CD163: variants seen among roughly 807,000 people sequenced by gnomAD.
The protein encoded by CD163 is scavenger receptor cysteine-rich type 1 protein M130.
CD163 carries 64 observed loss-of-function variants against 129.2 expected under a neutral mutation model. That is an observed-to-expected ratio of 0.50 (90% confidence interval 0.41 to 0.61). The LOEUF (loss-of-function observed/expected upper bound fraction) is 0.61. CD163 is among the 20% of genes least tolerant of loss of function. The pLI is 0.00. For missense variants in CD163, 1,061 were observed against 1,377.9 expected (o/e 0.77, Z 3.64); for synonymous variants, 446 against 478.5 (o/e 0.93, Z 0.89).
chr12:7,474,326 G>A (rs1046224150), intron 16 of CD163, among the ~76,000 whole-genome samples: 11 of 151,998 alleles, frequency 7.2e-5, no homozygotes, highest in African/African-American at 2.7e-4. Context: ...CCTCATAATT[G>A]GAAATAAAAC....
intron 6 of CD163, among the ~76,000 whole-genome samples, chr12:7,489,106 G>C (rs1949294575): frequency 3.9e-5 from 6 of 152,114 alleles, no homozygotes; most frequent in Admixed American, 3.3e-4. Flanking sequence ...GGTCACACAA[G>C]AAATTACTAC....
chr12:7,499,088 A>G lies in CD163; in HGVS notation c.558T>C (p.Asp186=), dbSNP rs776630053. The G allele has an allele frequency of 1.5e-5, 24 of 1,614,018 alleles. No individual in the cohort carries two copies. The highest frequency in any genetic ancestry group is 1.6e-4 in the Middle Eastern group (1 of 6,084). ...CAGATGCATGATCTATGTTGAAGTT[A>G]TCATCACACACTGTTCCCCACCGTC... ...FQGRWGTVCD[D]NFNIDHASVI... is the part of the protein sequence containing the mutation. Residue 186 remains aspartate (D), a synonymous_variant, in exon 4 of 17, where the codon GAT becomes GAC. Coordinates refer to ENST00000432237, the MANE Select transcript of CD163 (RefSeq NM_203416.4).
At chr12:7,488,808 T>C (rs1368518283) in intron 6 of CD163, among the ~76,000 whole-genome samples, 3 of 152,214 alleles carry the variant, frequency 2.0e-5, no homozygotes, top group Non-Finnish European at 4.4e-5. Context: ...GAATGAATTA[T>C]TGTATGACAA....
At chr12:7,481,586 T>C (rs1436636211) in intron 14 of CD163, among the ~76,000 whole-genome samples, 1 of 152,202 alleles carries the variant, frequency 6.6e-6, no homozygotes, top group African/African-American at 2.4e-5. Flanking sequence ...ATATATGTTA[T>C]AGTACTTTTC....
chr12:7,487,504 T>A lies in CD163; in HGVS notation c.1905A>T (p.Gly635=), dbSNP rs753874979. 2 of 1,614,038 alleles carry A rather than the reference T, an allele frequency of 1.2e-6. No homozygotes were observed. The highest frequency in any genetic ancestry group is 2.2e-5 in the South Asian group (2 of 91,076). ...GACCATTTCCTTTTCCAAAACGTGC[T>A]CCTCCTGGGGTAGAAAGGGCAACTC... is the stretch of plus-strand genomic sequence containing the variant. The part of the protein sequence containing the change: ...KCGVALSTPG[G]ARFGKGNGQI... The change falls in exon 8 of 17, where the codon GGA becomes GGT. Residue 635 remains glycine (G), a synonymous_variant. Transcript: ENST00000432237. This position sits in a 1 kb window ranked among gnomAD's most constrained non-coding sequence, Gnocchi z 5.1.
intron 14 of CD163, 34 bp from the exon 15 acceptor site, chr12:7,481,290 T>C: frequency 6.5e-7 from 1 of 1,529,294 alleles, no homozygotes; most frequent in Non-Finnish European, 9.1e-7. Flanking sequence ...AGGGATCAGC[T>C]ATCATAATAA....
chr12:7,489,381 T>C (rs1225850765), intron 6 of CD163, among the ~76,000 whole-genome samples: 1 of 152,156 alleles, frequency 6.6e-6, no homozygotes, highest in African/African-American at 2.4e-5. Context: ...AATATATTAA[T>C]AAATTTCAAA....
chr12:7,478,232 G>A (rs1221473467), intron 16 of CD163, among the ~76,000 whole-genome samples: 1 of 152,098 alleles, frequency 6.6e-6, no homozygotes, highest in Non-Finnish European at 1.5e-5. Flanking sequence ...TTGGGTCAAA[G>A]GGTCTGTGAA....
At chr12:7,495,507 T>C (rs1270366233) in intron 5 of CD163, 106 bp from the exon 6 acceptor site, 5 of 930,636 alleles carry the variant, frequency 5.4e-6, no homozygotes, top group East Asian at 2.5e-5. Flanking sequence ...TTGAAAATTA[T>C]AGGTAACTTA....
intron 11 of CD163, 136 bp from the exon 12 acceptor site, chr12:7,483,811 T>TTATATATATATGTATA (rs1555076495): frequency 5.4e-5 from 7 of 128,882 alleles, no homozygotes; most frequent in African/African-American, 1.9e-4. Flanking sequence ...ATATTAAAAT[T>TTATATATATATGTATA]TATATATATA....
In CD163 at chr12:7,496,459, A is replaced by G. The variant is rs949220952; in HGVS notation, c.1099+354T>C. On this transcript the variant is annotated intron_variant, in intron 5 of 16. Coordinates refer to ENST00000432237, the MANE Select transcript of CD163 (RefSeq NM_203416.4). This position sits in a 1 kb window ranked among gnomAD's most constrained non-coding sequence, Gnocchi z 4.8. ...GTTTACCCATGTAACAAACCTGCAC[A>G]TTCAACACATCTATCCCAGAACTTA... is the stretch of plus-strand genomic sequence containing the variant. Among the ~76,000 whole-genome samples the G allele has an allele frequency of 5.9e-5, 9 of 152,214 alleles. No homozygotes were observed.
At chr12:7,479,690 T>G (rs1372755735) in intron 16 of CD163, among the ~76,000 whole-genome samples, 170 bp downstream of exon 16, 1 of 152,202 alleles carries the variant, frequency 6.6e-6, no homozygotes, top group African/African-American at 2.4e-5. Context: ...CAGTTATATT[T>G]ATAAGCTTTT....
At chr12:7,481,434 C>T (rs1186494867) in intron 14 of CD163, among the ~76,000 whole-genome samples, 178 bp from the exon 15 acceptor site, 1 of 152,178 alleles carries the variant, frequency 6.6e-6, no homozygotes, top group African/African-American at 2.4e-5. Flanking sequence ...GAAATAGGCA[C>T]AAGGCTAAAT....
At chr12:7,493,051 G>C (rs1316540457) in intron 6 of CD163, among the ~76,000 whole-genome samples, 1 of 152,144 alleles carries the variant, frequency 6.6e-6, no homozygotes, top group Non-Finnish European at 1.5e-5. Context: ...GATGGCATTG[G>C]GTTATAAAGC....
intron 6 of CD163, among the ~76,000 whole-genome samples, chr12:7,491,204 A>G (rs1444534231): frequency 6.6e-6 from 1 of 152,104 alleles, no homozygotes; most frequent in African/African-American, 2.4e-5. Flanking sequence ...ATTGAGAAAA[A>G]GTCCCTTCTA....
rs752554846 is a variant in CD163 at position 7,496,954 on chromosome 12, T to C, written c.958A>G (p.Asn320Asp). The C allele has an allele frequency of 6.2e-7, 1 of 1,614,122 alleles. No homozygotes were observed. Among genetic ancestry groups the C allele is most frequent in the South Asian group, 1.1e-5 (1 of 91,090 alleles). ...PTAVTAIGRV[N>D]ASKGFGHIWL... ...ATGTGTCCAAATCCCTTACTGGCGT[T>C]AACTCGACCAATGGCTGTGACGGCA... Residue 320 changes from asparagine to aspartate, a missense_variant, in exon 5 of 17, where the codon AAC (asparagine) becomes GAC (aspartate). Transcript: ENST00000432237. This position sits in a 1 kb window ranked among gnomAD's most constrained non-coding sequence, Gnocchi z 4.8.
rs1316954982 is a variant in CD163, at chr12:7,487,364, C to G, written c.2045G>C (p.Cys682Ser). ...GCTGCCCGTCATCCTCTTACCTGAGCAGATTACAGAGGCCACTTGCTCTGA... is the reference window on the plus strand; with the variant it reads ...GCTGCCCGTCATCCTCTTACCTGAGGAGATTACAGAGGCCACTTGCTCTGA... ...CPSEQVASVICSGNQSQTLSS... is the reference protein window; with the variant it reads ...CPSEQVASVISSGNQSQTLSS... The change falls in exon 8 of 17, where the codon TGC becomes TCC. Residue 682 changes from cysteine to serine, a missense_variant. Cys to Ser is a moderately radical substitution (Grantham distance 112, BLOSUM62 -1). Coordinates refer to ENST00000432237, the MANE Select transcript of CD163 (RefSeq NM_203416.4). The surrounding 1 kb of genome is among the most constrained non-coding windows in gnomAD (Gnocchi z 5.1). 6.3e-7 allele frequency: 1 copy of G among 1,579,692 alleles called. No homozygotes were observed. The highest frequency in any genetic ancestry group is 8.6e-7 in the Non-Finnish European group (1 of 1,163,590).
At chr12:7,494,331 C>T (rs1198482107) in intron 6 of CD163, among the ~76,000 whole-genome samples, 1 of 152,134 alleles carries the variant, frequency 6.6e-6, no homozygotes, top group African/African-American at 2.4e-5. Context: ...ATAATTTCTA[C>T]TTAACTAGAG....
chr12:7,502,839 C>T lies in CD163; in HGVS notation c.47-275G>A, dbSNP rs1265380037. On this transcript the variant is annotated intron_variant, in intron 1 of 16. Transcript: ENST00000432237. ...AGAATTGCAAGGTCAACCCTTAAAA[C>T]CTGGAAAATGGAAACAACATCAATG... The T allele has an allele frequency of 3.1e-5, 17 of 549,360 alleles. No homozygotes were observed. In the Admixed American group the frequency reaches 5.8e-4, roughly 19 times the overall value. The allele number at this position is 549,360 out of a possible 1,614,324, so 34.0% of individuals were successfully genotyped here. A position where few individuals can be genotyped will look rare whatever the true frequency, so the allele number is the denominator to read the frequency against.
Sources: allele counts gnomAD v4.1 joint callset (sites outside exome capture counted in the v4.1 genomes callset), GRCh38; gene constraint gnomAD v4.1.1; non-coding constraint Gnocchi (gnomAD v3.1); transcripts MANE v1.5; gene names NCBI Gene and HGNC (gene_info 2026-07-23, HGNC 2026-07-21).